Variants in NRG1 observed in about 807,000 individuals in gnomAD.
NRG1 encodes neuregulin 1, also known as pro-neuregulin-1, membrane-bound isoform.
Under a neutral mutation model 63.8 loss-of-function variants are expected in NRG1, and 18 were observed. That is an observed-to-expected ratio of 0.28 (90% confidence interval 0.19 to 0.42). The LOEUF (loss-of-function observed/expected upper bound fraction) is 0.42. NRG1 is among the 10% of genes least tolerant of loss of function. The probability of loss-of-function intolerance (pLI) is 1.00; values close to 1 mark genes in which losing one functional copy is unlikely to be tolerated. For synonymous variants in NRG1, 302 were observed against 301.3 expected (o/e 1.00, Z -0.02); for missense variants, 762 against 814.7 (o/e 0.94, Z 0.79).
chr8:32,259,733 C>T (rs1422873761), intron 1 of NRG1, among the ~76,000 whole-genome samples: 1 of 152,084 alleles, frequency 6.6e-6, no homozygotes, highest in Admixed American at 6.6e-5. Context: ...ATTCAACCTT[C>T]CTTTTCCCTA....
chr8:32,281,754 G>T (rs766325331), intron 1 of NRG1, among the ~76,000 whole-genome samples: 1 of 152,112 alleles, frequency 6.6e-6, no homozygotes, highest in Non-Finnish European at 1.5e-5. Flanking sequence ...ACTGAGGCAG[G>T]AGGATCACTT....
intron 1 of NRG1, among the ~76,000 whole-genome samples, chr8:31,697,896 C>CTTT (rs5890596): frequency 2.1e-5 from 3 of 143,150 alleles, no homozygotes; most frequent in African/African-American, 2.6e-5. Context: ...CTCTTTCTTT[C>CTTT]TTTTTTTTTT....
At chr8:32,716,313 G>T (rs999674380) in intron 5 of NRG1, among the ~76,000 whole-genome samples, 5 of 152,186 alleles carry the variant, frequency 3.3e-5, no homozygotes, top group African/African-American at 1.2e-4. Flanking sequence ...TACAGGAACT[G>T]CATGGAAATG....
intron 1 of NRG1, among the ~76,000 whole-genome samples, chr8:32,563,680 C>T (rs1281223599): frequency 6.6e-6 from 1 of 152,112 alleles, no homozygotes; most frequent in Non-Finnish European, 1.5e-5. Context: ...AATAATTTTT[C>T]CTCAGTGGTT....
chr8:32,677,903 A>G (rs2466083), intron 5 of NRG1, among the ~76,000 whole-genome samples: 149,880 of 152,204 alleles, frequency 0.98, 73,849 homozygotes, highest in East Asian at 1. Flanking sequence ...CTCACCAATG[A>G]CACTTTCCTA....
intron 1 of NRG1, among the ~76,000 whole-genome samples, chr8:32,276,614 T>C (rs1852124326): frequency 6.6e-6 from 1 of 152,134 alleles, no homozygotes; most frequent in African/African-American, 2.4e-5. Flanking sequence ...CAAATGACCT[T>C]CTGCCTGAGC....
chr8:32,448,974 T>C (rs1170372748), intron 1 of NRG1, among the ~76,000 whole-genome samples: 1 of 151,290 alleles, frequency 6.6e-6, no homozygotes, highest in Non-Finnish European at 1.5e-5. Context: ...GAAAAAAGAG[T>C]ATGGAGGAAA....
At chr8:32,142,330 C>CTTGTTAGTGTGAGTGTTAATAACT (rs1311545179) in intron 1 of NRG1, among the ~76,000 whole-genome samples, 3 of 152,112 alleles carry the variant, frequency 2.0e-5, no homozygotes, top group African/African-American at 7.2e-5. Context: ...GTTGACTGTG[C>CTTGTTAGTGTGAGTGTTAATAACT]TTGTTAGTGT....
intron 1 of NRG1, among the ~76,000 whole-genome samples, chr8:31,692,619 A>G (rs868415147): frequency 6.6e-6 from 1 of 152,248 alleles, no homozygotes; most frequent in African/African-American, 2.4e-5. Flanking sequence ...TTTGACAGGA[A>G]GAAGAATAGA....
chr8:32,750,922 A>C (rs1828605080), intron 7 of NRG1: 1 of 152,086 alleles, frequency 6.6e-6, no homozygotes, highest in African/African-American at 2.4e-5. Flanking sequence ...TGTCCCACTT[A>C]TGAAATGGAT....
chr8:32,659,896 A>G (rs1290292937), intron 5 of NRG1, among the ~76,000 whole-genome samples: 1 of 152,120 alleles, frequency 6.6e-6, no homozygotes, highest in African/African-American at 2.4e-5. Flanking sequence ...TCACCTCTCC[A>G]AATTAGATGA....
chr8:31,872,897 A>G (rs1455465015), intron 1 of NRG1, among the ~76,000 whole-genome samples: 1 of 152,176 alleles, frequency 6.6e-6, no homozygotes, highest in Non-Finnish European at 1.5e-5. Context: ...GTAAATCAAA[A>G]CTAGGTCTTT....
At chr8:31,855,891 T>C (rs1419852055) in intron 1 of NRG1, among the ~76,000 whole-genome samples, 1 of 152,060 alleles carries the variant, frequency 6.6e-6, no homozygotes, top group Non-Finnish European at 1.5e-5. Context: ...TGGCTGGATA[T>C]GAAATTCTGG....
chr8:32,453,198 A>G (rs1821179684), intron 1 of NRG1, among the ~76,000 whole-genome samples: 1 of 152,186 alleles, frequency 6.6e-6, no homozygotes, highest in Admixed American at 6.5e-5. Flanking sequence ...GATATTTTCC[A>G]TGACACTTTT....
chr8:31,780,926 C>A (rs1819623918), intron 1 of NRG1, among the ~76,000 whole-genome samples: 1 of 152,190 alleles, frequency 6.6e-6, no homozygotes, highest in African/African-American at 2.4e-5. Flanking sequence ...TCCTATCTGG[C>A]TTCAATATTC....
At chr8:31,753,778 C>G (rs181417919) in intron 1 of NRG1, among the ~76,000 whole-genome samples, 245 of 152,146 alleles carry the variant, frequency 1.6e-3, no homozygotes, top group African/African-American at 5.7e-3. Flanking sequence ...CTCCCTGACT[C>G]AATTTCATCC....
At chr8:32,050,766 T>G (rs1054003751) in intron 1 of NRG1, among the ~76,000 whole-genome samples, 30 of 152,130 alleles carry the variant, frequency 2.0e-4, no homozygotes, top group African/African-American at 7.2e-4. Flanking sequence ...TAAGAGGTTA[T>G]CTTTGGGGAA....
At chr8:32,714,085 A>G (rs1818555587) in intron 5 of NRG1, among the ~76,000 whole-genome samples, 1 of 152,158 alleles carries the variant, frequency 6.6e-6, no homozygotes, top group Non-Finnish European at 1.5e-5. Flanking sequence ...TCGGCCTCCC[A>G]AAGTGCTGGG....
At chr8:32,753,554 T>C (rs147977854) in intron 7 of NRG1, among the ~76,000 whole-genome samples, 4 of 152,314 alleles carry the variant, frequency 2.6e-5, no homozygotes, top group Non-Finnish European at 4.4e-5. Flanking sequence ...GGTGACTTCT[T>C]TGGACAAATA....
Sources: allele counts gnomAD v4.1 joint callset (sites outside exome capture counted in the v4.1 genomes callset), GRCh38; gene constraint gnomAD v4.1.1; transcripts MANE v1.5; gene names NCBI Gene and HGNC (gene_info 2026-07-23, HGNC 2026-07-21).